JAG2: variants seen among roughly 807,000 people sequenced by gnomAD.
JAG2 encodes jagged canonical Notch ligand 2.
In JAG2, 46 loss-of-function variants were observed where a neutral mutation model predicts 141.7. The observed-to-expected ratio is 0.32, with a 90% CI of 0.26 to 0.42. The LOEUF (loss-of-function observed/expected upper bound fraction) is 0.42. Ranked by LOEUF, JAG2 falls within the 10% of genes least tolerant of loss-of-function variation. JAG2 has a pLI of 1.00. For synonymous variants in JAG2, 862 were observed against 763.5 expected, an observed-to-expected ratio of 1.13 and a Z score of -2.13; for missense variants, 1,500 against 1,817.5, an observed-to-expected ratio of 0.83 and a Z score of 3.18.
At chr14:105,146,879 T>G in intron 20 of JAG2, 155 bp from the exon 21 acceptor site, 1 of 712,874 alleles carries the variant, frequency 1.4e-6, no homozygotes, top group Admixed American at 2.0e-5. Context: ...GCTGCCTGCC[T>G]GAGGCCTTCC....
At chr14:105,144,683 C>T (rs1400627447) in intron 24 of JAG2, among the ~76,000 whole-genome samples, 1 of 152,176 alleles carries the variant, frequency 6.6e-6, no homozygotes, top group Non-Finnish European at 1.5e-5. Flanking sequence ...GGGGACCGGG[C>T]GAGGATGCAG....
chr14:105,151,204 A>AGCAGCCCCC lies in JAG2; in HGVS notation c.1267+70_1267+78dup, dbSNP rs71403263. The AGCAGCCCCC allele has an allele frequency of 6.9e-4, 495 of 715,998 alleles. 2 individuals carry two copies. In the East Asian group the frequency reaches 0.015, roughly 21 times the overall value. 44.4% of individuals were successfully genotyped at this position (715,998 alleles called of 1,614,324 possible). A position where few individuals can be genotyped will look rare whatever the true frequency, so the allele number is the denominator to read the frequency against. On this transcript the variant is annotated intron_variant, in intron 9 of 25. Transcript: ENST00000331782. ...GCAGCCCAGCAGCCCCAGCAGCCCC[A>AGCAGCCCCC]GCAGCCCCCGCAGCCCCAGCAGCCC...
chr14:105,157,651 G>T, intron 3 of JAG2, 55 bp downstream of exon 3: 1 of 1,464,236 alleles, frequency 6.8e-7, no homozygotes, highest in Non-Finnish European at 9.3e-7. Flanking sequence ...GCTGGGCCCT[G>T]CCACAGGCAC....
intron 18 of JAG2, 63 bp downstream of exon 18, chr14:105,147,709 G>T: frequency 8.0e-7 from 1 of 1,254,864 alleles, no homozygotes. Flanking sequence ...GGGGCGAGTC[G>T]GGGGCAGGGA....
intron 3 of JAG2, among the ~76,000 whole-genome samples, chr14:105,157,011 C>T (rs1213211914): frequency 6.6e-6 from 1 of 152,126 alleles, no homozygotes; most frequent in Non-Finnish European, 1.5e-5. Flanking sequence ...TTGGCCAACC[C>T]CATGCCTCCA....
At chr14:105,168,296 CTAGG>C in intron 1 of JAG2, 55 bp downstream of exon 1, 1 of 710,902 alleles carries the variant, frequency 1.4e-6, no homozygotes, top group Non-Finnish European at 1.7e-6. Flanking sequence ...CGCCCGGCCC[CTAGG>C]GGCGGCCCGG....
chr14:105,147,262 C>T (rs1038994291), intron 20 of JAG2, 64 bp downstream of exon 20: 34 of 1,317,548 alleles, frequency 2.6e-5, no homozygotes, highest in Non-Finnish European at 3.3e-5. Flanking sequence ...GTTGATGTCC[C>T]CAGACTCCTG....
rs745353471 is a variant in JAG2 at position 105,155,634 on chromosome 14, G to A, written c.728-12C>T. On this transcript the variant is annotated splice_polypyrimidine_tract_variant and intron_variant, in intron 4 of 25. Coordinates refer to ENST00000331782, the MANE Select transcript of JAG2 (RefSeq NM_002226.5). ...TTGTTTACACACAGCTGCGAACAGA[G>A]AGGAGCGAGAGGCACAGCTGCAGCC... 1.9e-6 allele frequency: 3 copies of A among 1,612,680 alleles called. No individual in the cohort carries two copies. Among genetic ancestry groups the A allele is most frequent in the Admixed American group, 3.3e-5 (2 of 60,030 alleles).
intron 20 of JAG2, 96 bp downstream of exon 20, chr14:105,147,230 C>A (rs1271537428): frequency 3.2e-6 from 3 of 929,952 alleles, no homozygotes; most frequent in South Asian, 1.4e-5. Context: ...TGTGGCCACA[C>A]TGCCCTTCAA....
rs1201570739 is a variant in JAG2 at position 105,143,489 on chromosome 14, A to G, written c.3234T>C (p.Ser1078=). 1.9e-6 allele frequency: 3 copies of G among 1,555,194 alleles called. No homozygotes were observed. Among genetic ancestry groups the G allele is most frequent in the Non-Finnish European group, 2.6e-6 (3 of 1,151,590 alleles). Residue 1078 remains serine (S), a synonymous_variant, in exon 25 of 26, where the codon TCT becomes TCC. Coordinates refer to ENST00000331782, the MANE Select transcript of JAG2 (RefSeq NM_002226.5). ...CCCACCTCCCGCGCTTACCTGTGGA[A>G]GAGCCGCCCGTAACAACCGTCTCCA... ...VKVETVVTGG[S]STGLLVPVLC...
chr14:105,151,138 C>T (rs201910428), intron 9 of JAG2, 34 bp from the exon 10 acceptor site: 19 of 1,573,932 alleles, frequency 1.2e-5, no homozygotes, highest in Middle Eastern at 1.8e-4. Context: ...CCGTGGGGCT[C>T]GGGCCCTGCC....
chr14:105,158,946 T>C (rs2140988262), intron 2 of JAG2, among the ~76,000 whole-genome samples: 1 of 152,110 alleles, frequency 6.6e-6, no homozygotes, highest in Admixed American at 6.5e-5. Context: ...ACCCCACGCC[T>C]GCCAGCCCTT....
At chr14:105,143,370 G>A (rs1228977556) in intron 25 of JAG2, 112 bp downstream of exon 25, 25 of 1,379,740 alleles carry the variant, frequency 1.8e-5, no homozygotes, top group Non-Finnish European at 2.4e-5. Context: ...GCAGGTGCCA[G>A]GGACTTCTGT....
Position 105,167,727 on chromosome 14 carries a change from G to T in JAG2, c.417+30C>A. On this transcript the variant is annotated intron_variant, in intron 2 of 25. Transcript: ENST00000331782. This position sits in a 1 kb window ranked among gnomAD's most constrained non-coding sequence, Gnocchi z 4.8. ...CCGGGGCGCGGAGAGAGAGGGAAGG[G>T]CTGGAGCACGAGGGATGGAGCGCAC... The T allele has an allele frequency of 7.0e-7, 1 of 1,428,866 alleles. No homozygotes were observed. The highest frequency in any genetic ancestry group is 9.2e-7 in the Non-Finnish European group (1 of 1,091,126). 88.5% of individuals were successfully genotyped at this position (1,428,866 alleles called of 1,614,324 possible).
At chr14:105,162,756 C>A (rs1888792273) in intron 2 of JAG2, among the ~76,000 whole-genome samples, 1 of 145,314 alleles carries the variant, frequency 6.9e-6, no homozygotes, top group Non-Finnish European at 1.5e-5. Flanking sequence ...GCCTTGTGCA[C>A]CCCATGGCCC....
Position 105,148,962 on chromosome 14 carries a change from G to A in JAG2, c.1881C>T (p.Gly627=), listed in dbSNP as rs919078684. The A allele has an allele frequency of 1.2e-5, 19 of 1,607,374 alleles. No homozygotes were observed. Among genetic ancestry groups the A allele is most frequent in the Middle Eastern group, 1.7e-4 (1 of 6,056 alleles). The change falls in exon 14 of 26, where the codon GGC becomes GGT. Residue 627 remains glycine, a synonymous_variant. Transcript: ENST00000331782. ...GGNFSCICDS[G]FTGTYCHENI... ...TCTCATGGCAGTAGGTGCCAGTAAAGCCACTGTCACAGATGCAGGAAAAGT... is the reference window on the plus strand; with the variant it reads ...TCTCATGGCAGTAGGTGCCAGTAAAACCACTGTCACAGATGCAGGAAAAGT...
In JAG2 at chr14:105,148,966, C is replaced by T; in HGVS notation, c.1877G>A (p.Ser626Asn). The T allele has an allele frequency of 1.9e-6, 3 of 1,607,612 alleles. No homozygotes were observed. Among genetic ancestry groups the T allele is most frequent in the Non-Finnish European group, 2.5e-6 (3 of 1,177,694 alleles). ...PGGNFSCICD[S>N]GFTGTYCHEN... ...ATGGCAGTAGGTGCCAGTAAAGCCACTGTCACAGATGCAGGAAAAGTTGCC... is the reference window on the plus strand; with the variant it reads ...ATGGCAGTAGGTGCCAGTAAAGCCATTGTCACAGATGCAGGAAAAGTTGCC... Residue 626 changes from serine (S) to asparagine (N), a missense_variant, in exon 14 of 26, where the codon AGT becomes AAT. By Grantham distance (46) the Ser-to-Asn change is conservative. Coordinates refer to ENST00000331782, the MANE Select transcript of JAG2 (RefSeq NM_002226.5).
chr14:105,147,748 C>T lies in JAG2; in HGVS notation c.2365+24G>A, dbSNP rs369251271. 2.5e-4 allele frequency: 378 copies of T among 1,486,072 alleles called. 3 individuals are homozygous for T. The African/African-American group carries it at 3.3e-3, about 13-fold the overall frequency. The allele number at this position is 1,486,072 out of a possible 1,614,324, so 92.1% of individuals were successfully genotyped here. ...CATCTGGGTGGAGGAAAGCGGCCCC[C>T]GCCCACACCCCTCCCACACTCACTG... On this transcript the variant is annotated intron_variant, in intron 18 of 25. Coordinates refer to ENST00000331782, the MANE Select transcript of JAG2 (RefSeq NM_002226.5).
intron 2 of JAG2, among the ~76,000 whole-genome samples, chr14:105,163,942 C>T (rs1182565574): frequency 6.6e-6 from 1 of 152,178 alleles, no homozygotes; most frequent in East Asian, 1.9e-4. Context: ...CCTGCCCCCA[C>T]TCCACCACCA....
Sources: allele counts gnomAD v4.1 joint callset (sites outside exome capture counted in the v4.1 genomes callset), GRCh38; gene constraint gnomAD v4.1.1; non-coding constraint Gnocchi (gnomAD v3.1); transcripts MANE v1.5; gene names NCBI Gene and HGNC (gene_info 2026-07-23, HGNC 2026-07-21).